The following KCNQ3 variants were observed in gnomAD, a reference collection of about 807,000 sequenced individuals.
KCNQ3 encodes potassium voltage-gated channel subfamily KQT member 3.
A neutral mutation model predicts 92.5 loss-of-function variants in KCNQ3; 30 were observed. The observed-to-expected ratio is 0.32, with a 90% CI of 0.24 to 0.44. The LOEUF (loss-of-function observed/expected upper bound fraction) is 0.44, where lower values mean the gene tolerates loss of function less well. Ranked by LOEUF, KCNQ3 falls within the 20% of genes least tolerant of loss-of-function variation. KCNQ3 has a pLI of 1.00. For synonymous variants in KCNQ3, 450 were observed against 468.8 expected, an observed-to-expected ratio of 0.96 and a Z score of 0.52; for missense variants, 913 against 1,140.3, an observed-to-expected ratio of 0.80 and a Z score of 2.87.
At chr8:132,163,863 C>A (rs183498732) in intron 8 of KCNQ3, among the ~76,000 whole-genome samples, 1 of 152,222 alleles carries the variant, frequency 6.6e-6, no homozygotes, top group African/African-American at 2.4e-5. Context: ...CAGTCACACA[C>A]CCCCATAACT....
intron 1 of KCNQ3, among the ~76,000 whole-genome samples, chr8:132,243,201 T>G (rs1815049367): frequency 6.6e-6 from 1 of 152,224 alleles, no homozygotes; most frequent in African/African-American, 2.4e-5. Flanking sequence ...ATTCTACAGA[T>G]GAGCAACTGG....
intron 1 of KCNQ3, among the ~76,000 whole-genome samples, chr8:132,189,528 A>G (rs951471365): frequency 2.0e-5 from 3 of 152,168 alleles, no homozygotes; most frequent in African/African-American, 7.2e-5. Context: ...ACTTAGCAAT[A>G]AAAATTAACC....
intron 1 of KCNQ3, among the ~76,000 whole-genome samples, chr8:132,342,384 A>T (rs1337199173): frequency 6.6e-6 from 1 of 151,650 alleles, no homozygotes; most frequent in Non-Finnish European, 1.5e-5. Flanking sequence ...AATTTCCCCA[A>T]TTCTCGCCTT....
At chr8:132,244,803 T>C (rs927572158) in intron 1 of KCNQ3, among the ~76,000 whole-genome samples, 3 of 151,978 alleles carry the variant, frequency 2.0e-5, no homozygotes, top group African/African-American at 7.3e-5. Context: ...TTTCTGCCTG[T>C]GTCATCCCAT....
At chr8:132,423,931 A>G (rs530326194) in intron 1 of KCNQ3, among the ~76,000 whole-genome samples, 4 of 152,328 alleles carry the variant, frequency 2.6e-5, no homozygotes, top group Non-Finnish European at 2.9e-5. Context: ...CATCCTGAGC[A>G]CAACCAAAAC....
chr8:132,344,575 A>G (rs1818625075), intron 1 of KCNQ3, among the ~76,000 whole-genome samples: 1 of 152,230 alleles, frequency 6.6e-6, no homozygotes, highest in African/African-American at 2.4e-5. Context: ...TGAGGCCTGG[A>G]GGAGTAAAGA....
chr8:132,240,897 T>TC (rs919852276), intron 1 of KCNQ3, among the ~76,000 whole-genome samples: 2 of 151,620 alleles, frequency 1.3e-5, no homozygotes, highest in Admixed American at 1.3e-4. Context: ...CAATTTTTTT[T>TC]TTTCTTTTTG....
intron 10 of KCNQ3, chr8:132,140,690 T>C (rs535538891): frequency 1.2e-4 from 31 of 254,342 alleles, no homozygotes; most frequent in African/African-American, 6.3e-4. Context: ...TTTCTGCATG[T>C]CCTCCCTTTG....
intron 1 of KCNQ3, among the ~76,000 whole-genome samples, chr8:132,248,112 T>C (rs1815247973): frequency 6.6e-6 from 1 of 152,140 alleles, no homozygotes; most frequent in East Asian, 1.9e-4. Context: ...CCATTAACAT[T>C]ACAACTCCAT....
At chr8:132,176,047 A>G (rs1826540613) in intron 4 of KCNQ3, among the ~76,000 whole-genome samples, 1 of 152,182 alleles carries the variant, frequency 6.6e-6, no homozygotes, top group Non-Finnish European at 1.5e-5. Flanking sequence ...ACACCAGTTT[A>G]TGGTGTGGCC....
intron 1 of KCNQ3, among the ~76,000 whole-genome samples, chr8:132,265,547 G>C (rs2130483197): frequency 6.6e-6 from 1 of 152,348 alleles, no homozygotes; most frequent in African/African-American, 2.4e-5. Flanking sequence ...GGGACACAGA[G>C]ACAGTTGCTA....
chr8:132,274,658 C>T (rs552699753), intron 1 of KCNQ3, among the ~76,000 whole-genome samples: 2 of 152,310 alleles, frequency 1.3e-5, no homozygotes, highest in African/African-American at 4.8e-5. Context: ...TGATGTGACA[C>T]ATGCCAGGCT....
intron 1 of KCNQ3, among the ~76,000 whole-genome samples, chr8:132,299,561 G>A (rs1389780430): frequency 1.3e-5 from 2 of 151,990 alleles, no homozygotes; most frequent in African/African-American, 4.8e-5. Context: ...GGGAATAAAT[G>A]AACAAATAAA....
chr8:132,187,718 T>C (rs540283482), intron 1 of KCNQ3, among the ~76,000 whole-genome samples: 1 of 150,982 alleles, frequency 6.6e-6, no homozygotes, highest in East Asian at 2.0e-4. Context: ...GTGGTGGTGG[T>C]GATGGTGGTG....
intron 4 of KCNQ3, among the ~76,000 whole-genome samples, chr8:132,177,862 G>A (rs1826619378): frequency 6.6e-6 from 1 of 152,180 alleles, no homozygotes; most frequent in Non-Finnish European, 1.5e-5. Flanking sequence ...CCCAGCTCTG[G>A]TAGCACAGCT....
intron 1 of KCNQ3, among the ~76,000 whole-genome samples, chr8:132,419,833 T>C (rs544030763): frequency 6.6e-6 from 1 of 152,194 alleles, no homozygotes; most frequent in Non-Finnish European, 1.5e-5. Context: ...AGTCCTGTAA[T>C]TGAGCCCAGT....
At chr8:132,438,572 C>T (rs1387487994) in intron 1 of KCNQ3, among the ~76,000 whole-genome samples, 9 of 152,092 alleles carry the variant, frequency 5.9e-5, no homozygotes, top group Admixed American at 2.0e-4. Context: ...CGTGTGGGTG[C>T]GGCTGCTTGG....
At chr8:132,167,233 GAA>G (rs983339262) in intron 8 of KCNQ3, among the ~76,000 whole-genome samples, 2 of 152,186 alleles carry the variant, frequency 1.3e-5, no homozygotes, top group Admixed American at 6.5e-5. Flanking sequence ...ATAGGTGAAA[GAA>G]AGACAGAAAG....
intron 11 of KCNQ3, among the ~76,000 whole-genome samples, chr8:132,139,026 C>T (rs1456564513): frequency 2.6e-5 from 4 of 152,188 alleles, no homozygotes; most frequent in Non-Finnish European, 5.9e-5. Flanking sequence ...CTCAGTCACA[C>T]TCATTCCTTT....
Sources: gnomAD v4.1 joint callset for allele counts (sites outside exome capture counted in the v4.1 genomes callset) on GRCh38, gnomAD v4.1.1 for gene constraint, MANE v1.5 for transcripts, NCBI Gene and HGNC (gene_info 2026-07-23, HGNC 2026-07-21) for gene names.